SWT1: variants seen among roughly 807,000 people sequenced by gnomAD.
SWT1 encodes SWT1 RNA endoribonuclease homolog, also known as transcriptional protein SWT1.
In SWT1, 33 loss-of-function variants were observed where a neutral mutation model predicts 107.3. The ratio of observed to expected loss-of-function variants is 0.31; its 90% CI spans 0.23 to 0.41. The LOEUF is 0.41. Ranked by LOEUF, SWT1 falls within the 10% of genes least tolerant of loss-of-function variation. SWT1 has a pLI of 1.00. For synonymous variants in SWT1, 345 were observed against 348.3 expected, an observed-to-expected ratio of 0.99 and a Z score of 0.11; for missense variants, 898 against 1,028.9, an observed-to-expected ratio of 0.87 and a Z score of 1.74.
chr1:185,226,959 A>G lies in SWT1; in HGVS notation c.2310-4618A>G, dbSNP rs1410610561. ...CTTTTCATAGACTGGATTCTTTTGT[A>G]TAGCAGCATGAGCTTTCTTACACAT... On this transcript the variant is annotated intron_variant, in intron 15 of 18. Coordinates refer to ENST00000367500, the MANE Select transcript of SWT1 (RefSeq NM_017673.7). 9 of 945,306 alleles carry G rather than the reference A, an allele frequency of 9.5e-6. No individual in the cohort carries two copies. The East Asian group carries it at 1.7e-4, about 18-fold the overall frequency. The allele number at this position is 945,306 out of a possible 1,614,324, so 58.6% of individuals were successfully genotyped here.
At chr1:185,160,762 T>G (rs1654074270) in intron 1 of SWT1, 71 bp from the exon 2 acceptor site, 2 of 1,129,502 alleles carry the variant, frequency 1.8e-6, no homozygotes, top group Non-Finnish European at 2.6e-6. Flanking sequence ...TTTATATAAC[T>G]GAAAGAAGAC....
At chr1:185,206,027 C>A (rs376896690) in intron 12 of SWT1, among the ~76,000 whole-genome samples, 5 of 151,704 alleles carry the variant, frequency 3.3e-5, no homozygotes, top group African/African-American at 1.2e-4. Flanking sequence ...CGCGTGATCT[C>A]GGCTCACTGC....
At chr1:185,246,057 C>T (rs761931942) in intron 16 of SWT1, among the ~76,000 whole-genome samples, 5 of 152,040 alleles carry the variant, frequency 3.3e-5, no homozygotes, top group Non-Finnish European at 5.9e-5. Flanking sequence ...TGTGAGCCAC[C>T]GCACCCAGTC....
At position 185,260,154 on chromosome 1, in the gene SWT1, G is replaced by A. The variant is rs936098816; in HGVS notation, c.2442-11169G>A. 2.6e-5 allele frequency among the ~76,000 whole-genome samples: 4 copies of A among 152,092 alleles called. No individual in the cohort carries two copies. In the East Asian group the frequency reaches 7.7e-4, roughly 29 times the overall value. On this transcript the variant is annotated intron_variant, in intron 16 of 18. Coordinates refer to ENST00000367500, the MANE Select transcript of SWT1 (RefSeq NM_017673.7). Reference sequence around the variant, plus strand: ...GCTTAGGTGGTACCAAATAGATAAGGGAAATCATCCTTAAGCCCAAGGGGC... The same window carrying A: ...GCTTAGGTGGTACCAAATAGATAAGAGAAATCATCCTTAAGCCCAAGGGGC...
chr1:185,176,760 G>A (rs1438421877), intron 5 of SWT1: 7 of 794,148 alleles, frequency 8.8e-6, no homozygotes, highest in Non-Finnish European at 1.1e-5. Flanking sequence ...CGAGGTGGGC[G>A]GATCACGAGG....
intron 13 of SWT1, among the ~76,000 whole-genome samples, chr1:185,210,854 A>G (rs1658737902): frequency 6.6e-6 from 1 of 152,234 alleles, no homozygotes. Context: ...AAGTCTCAGG[A>G]TACAAAATCA....
chr1:185,177,642 A>G (rs947785491), intron 5 of SWT1, among the ~76,000 whole-genome samples: 8 of 152,192 alleles, frequency 5.3e-5, no homozygotes, highest in Non-Finnish European at 8.8e-5. Flanking sequence ...TCCTCAGTAG[A>G]TAATTATTTT....
chr1:185,238,319 G>T (rs1284666308), intron 16 of SWT1, among the ~76,000 whole-genome samples: 1 of 152,108 alleles, frequency 6.6e-6, no homozygotes, highest in Non-Finnish European at 1.5e-5. Flanking sequence ...TTGAGCCTCA[G>T]TGTTCATAAA....
chr1:185,207,356 A>T (rs1262797406), intron 13 of SWT1, among the ~76,000 whole-genome samples: 1 of 152,174 alleles, frequency 6.6e-6, no homozygotes, highest in Non-Finnish European at 1.5e-5. Flanking sequence ...CAGATGGATG[A>T]TGGAAAGATT....
At chr1:185,192,865 C>T (rs1297354866) in intron 10 of SWT1, among the ~76,000 whole-genome samples, 1 of 152,054 alleles carries the variant, frequency 6.6e-6, no homozygotes, top group African/African-American at 2.4e-5. Flanking sequence ...TCAGGCTGGT[C>T]TCAAACTCCT....
chr1:185,220,288 T>C (rs1018924955), intron 14 of SWT1, among the ~76,000 whole-genome samples: 1 of 151,356 alleles, frequency 6.6e-6, no homozygotes, highest in Non-Finnish European at 1.5e-5. Context: ...AGCACTCACT[T>C]ACCTGTTAAT....
chr1:185,174,600 T>C lies in SWT1; in HGVS notation c.453T>C (p.Leu151=), dbSNP rs1655378600. Residue 151 remains leucine, a synonymous_variant, in exon 5 of 19, where the codon CTT becomes CTC. Coordinates refer to ENST00000367500, the MANE Select transcript of SWT1 (RefSeq NM_017673.7). The part of the protein sequence containing the change: ...GSKLDHGIKS[L]SSPKIASDVK... ...AGCTTGACCATGGAATTAAAAGCCT[T>C]AGTAGTCCTAAGATTGCCAGTGATG... 1.2e-6 allele frequency: 2 copies of C among 1,609,900 alleles called. No homozygotes were observed. The highest frequency in any genetic ancestry group is 1.7e-6 in the Non-Finnish European group (2 of 1,179,064).
chr1:185,180,135 A>C (rs1453386845), intron 5 of SWT1, among the ~76,000 whole-genome samples: 1 of 152,164 alleles, frequency 6.6e-6, no homozygotes, highest in Non-Finnish European at 1.5e-5. Context: ...GGTGAATCAC[A>C]GTTGTGCCAT....
In SWT1 at chr1:185,276,609, T is replaced by C. The variant is rs1664257210; in HGVS notation, c.2514T>C (p.Asn838=). The part of the protein sequence containing the change: ...LYNFLIKYEV[N]KNVKFTAQEI... ...TATATCTTGGTTCCTTTCAGGTAAA[T>C]AAAAATGTCAAATTTACTGCCCAGG... Residue 838 remains asparagine, a synonymous_variant, in exon 18 of 19, where the codon AAT becomes AAC. Coordinates refer to ENST00000367500, the MANE Select transcript of SWT1 (RefSeq NM_017673.7). The C allele has an allele frequency of 6.3e-7, 1 of 1,576,660 alleles. No individual in the cohort carries two copies. Among genetic ancestry groups the C allele is most frequent in the African/African-American group, 1.3e-5 (1 of 74,100 alleles).
At position 185,175,086 on chromosome 1, in the gene SWT1, T is replaced by G; in HGVS notation, c.939T>G (p.Asp313Glu). The G allele has an allele frequency of 6.4e-7, 1 of 1,567,406 alleles. No individual in the cohort carries two copies. The highest frequency in any genetic ancestry group is 1.4e-5 in the African/African-American group (1 of 72,992). Residue 313 changes from aspartate to glutamate, a missense_variant, in exon 5 of 19, where the codon GAT becomes GAG. Asp to Glu is a conservative substitution (Grantham distance 45, BLOSUM62 2). This residue lies in a region of SWT1 where 382 missense variants were observed against 362.4 expected (regional missense o/e 1.05). Transcript: ENST00000367500. ...KHHYDHQESN[D>E]SHSRENLTQS... ...ATTATGACCATCAAGAAAGTAATGA[T>G]TCACATTCTAGGGAAAACCTAACCC...
intron 14 of SWT1, among the ~76,000 whole-genome samples, chr1:185,221,010 A>G (rs74134443): frequency 0.014 from 2,070 of 152,140 alleles, 43 homozygotes; most frequent in African/African-American, 0.048. Context: ...AGTAATCAAG[A>G]AGGTTCAGTC....
At chr1:185,158,040 AG>A (rs1419931127) in intron 1 of SWT1, among the ~76,000 whole-genome samples, 2 of 152,136 alleles carry the variant, frequency 1.3e-5, no homozygotes, top group Non-Finnish European at 2.9e-5. Context: ...CGAACCTTCT[AG>A]GCATCAGGGC....
At position 185,214,634 on chromosome 1, in the gene SWT1, C is replaced by T. The variant is rs767619526; in HGVS notation, c.2100C>T (p.Asn700=). ...ILPQTFAQVN[N]LLQTFAEVKT... is the part of the protein sequence containing the mutation. ...CACAGACCTTTGCTCAAGTAAACAA[C>T]CTCCTTCAGACATTTGCAGAGGTAA... The change falls in exon 14 of 19, where the codon AAC becomes AAT. Residue 700 remains asparagine (N), a synonymous_variant. Transcript: ENST00000367500. The T allele has an allele frequency of 6.2e-7, 1 of 1,610,434 alleles. No homozygotes were observed. Among genetic ancestry groups the T allele is most frequent in the South Asian group, 1.1e-5 (1 of 90,334 alleles).
intron 10 of SWT1, among the ~76,000 whole-genome samples, chr1:185,193,618 T>C (rs1164713422): frequency 6.6e-6 from 1 of 151,990 alleles, no homozygotes; most frequent in African/African-American, 2.4e-5. Context: ...AGTTGCAGGC[T>C]GCCATGCCTG....
Sources: gnomAD v4.1 joint callset for allele counts (sites outside exome capture counted in the v4.1 genomes callset) on GRCh38, gnomAD v4.1.1 for gene constraint, gnomAD v4.1.1 regional missense constraint, MANE v1.5 for transcripts, NCBI Gene and HGNC (gene_info 2026-07-23, HGNC 2026-07-21) for gene names.